Variants in BABAM2 observed in about 807,000 individuals in gnomAD.
The protein encoded by BABAM2 is BRISC and BRCA1 A complex member 2.
BABAM2 carries 31 observed loss-of-function variants against 54.7 expected under a neutral mutation model. The observed-to-expected ratio is 0.57, with a 90% CI of 0.43 to 0.77. The LOEUF (loss-of-function observed/expected upper bound fraction) is 0.77, where lower values mean the gene tolerates loss of function less well. Among genes scored for constraint, BABAM2 ranks in the 30% least tolerant of loss-of-function variants. The pLI, the probability that BABAM2 is intolerant of heterozygous loss-of-function variation, is 0.00. For synonymous variants in BABAM2, 167 were observed against 162.9 expected, an observed-to-expected ratio of 1.03 and a Z score of -0.19; for missense variants, 364 against 455.8, an observed-to-expected ratio of 0.80 and a Z score of 1.83.
At chr2:28,102,954 A>ACT (rs986409094) in intron 6 of BABAM2, among the ~76,000 whole-genome samples, 64 of 152,238 alleles carry the variant, frequency 4.2e-4, no homozygotes, top group African/African-American at 1.5e-3. Context: ...TAATGATTTT[A>ACT]CAAACTGAAT....
intron 7 of BABAM2, among the ~76,000 whole-genome samples, chr2:28,145,513 C>T (rs961045465): frequency 1.3e-5 from 2 of 152,142 alleles, no homozygotes; most frequent in African/African-American, 4.8e-5. Flanking sequence ...TTCTGTCATT[C>T]TTTCCCTTTC....
chr2:27,996,827 A>G (rs1673184238), intron 4 of BABAM2, among the ~76,000 whole-genome samples: 1 of 152,068 alleles, frequency 6.6e-6, no homozygotes, highest in African/African-American at 2.4e-5. Flanking sequence ...CTTGATTCTC[A>G]GCCTCCCAGT....
Position 28,047,563 on chromosome 2 carries a change from T to A in BABAM2, c.570+1764T>A, listed in dbSNP as rs182783936. 1.0e-3 allele frequency among the ~76,000 whole-genome samples: 158 copies of A among 152,222 alleles called. 1 individual carries two copies. The highest frequency in any genetic ancestry group is 1.6e-3 in the Non-Finnish European group (108 of 67,982). On this transcript the variant is annotated intron_variant, in intron 6 of 11. Transcript: ENST00000379624. ...AAGGAAAAAAATGTTTGTTGGCTCA[T>A]AATCTCATATTTATCTCTTCAGCAT... is the stretch of plus-strand genomic sequence containing the variant.
chr2:28,056,033 TA>T (rs1373946995), intron 6 of BABAM2, among the ~76,000 whole-genome samples: 2 of 151,982 alleles, frequency 1.3e-5, no homozygotes, highest in African/African-American at 4.8e-5. Context: ...TGTAGAATCT[TA>T]AAAAAAATTT....
At chr2:28,061,453 C>T (rs1317621174) in intron 6 of BABAM2, among the ~76,000 whole-genome samples, 6 of 151,260 alleles carry the variant, frequency 4.0e-5, no homozygotes, top group East Asian at 1.9e-4. Context: ...GGCGTGGTGG[C>T]GGGCGCCTGT....
At chr2:27,999,401 T>C (rs1673408221) in intron 4 of BABAM2, among the ~76,000 whole-genome samples, 1 of 152,142 alleles carries the variant, frequency 6.6e-6, no homozygotes, top group African/African-American at 2.4e-5. Context: ...AGAAGCATCA[T>C]ATACCAAGGA....
chr2:27,929,271 CA>C (rs1432627232), intron 2 of BABAM2, among the ~76,000 whole-genome samples: 1 of 152,054 alleles, frequency 6.6e-6, no homozygotes, highest in Non-Finnish European at 1.5e-5. Flanking sequence ...AACTACCCCC[CA>C]CCTTTTAAAT....
intron 5 of BABAM2, among the ~76,000 whole-genome samples, chr2:28,028,444 A>G (rs1161602984): frequency 6.6e-6 from 1 of 151,058 alleles, no homozygotes; most frequent in Admixed American, 6.6e-5. Flanking sequence ...TAGGAATGTG[A>G]ATACCAGAGA....
At chr2:27,931,760 G>C (rs952803708) in intron 3 of BABAM2, among the ~76,000 whole-genome samples, 2 of 152,100 alleles carry the variant, frequency 1.3e-5, no homozygotes, top group Non-Finnish European at 2.9e-5. Context: ...TGAATACTTA[G>C]GGTAGTATAT....
intron 3 of BABAM2, among the ~76,000 whole-genome samples, chr2:27,965,074 A>G (rs989284931): frequency 3.3e-5 from 5 of 152,208 alleles, no homozygotes; most frequent in African/African-American, 9.7e-5. Flanking sequence ...ACTGAGCTGA[A>G]TAAGATATGG....
rs566143938 is a variant in BABAM2 at position 28,297,615 on chromosome 2, G to A, written c.935-723G>A. Among the ~76,000 whole-genome samples the A allele has an allele frequency of 5.3e-5, 8 of 152,292 alleles. No homozygotes were observed. In the South Asian group the frequency reaches 1.7e-3, roughly 32 times the overall value. On this transcript the variant is annotated intron_variant, in intron 10 of 11. Transcript: ENST00000379624. ...ATTGGAATTAGCCTGTACTATCACA[G>A]CAAACATATTTAGTGCTCAGAGTAG...
intron 2 of BABAM2, among the ~76,000 whole-genome samples, chr2:27,912,630 G>T (rs970458468): frequency 2.0e-5 from 3 of 152,122 alleles, no homozygotes; most frequent in African/African-American, 4.8e-5. Flanking sequence ...TCTTTAGAAG[G>T]CCTGGGATTT....
chr2:28,302,690 T>C (rs542675616), intron 11 of BABAM2, among the ~76,000 whole-genome samples: 1 of 152,318 alleles, frequency 6.6e-6, no homozygotes. Context: ...CGGTTTACCC[T>C]CCCATCAGCA....
At chr2:27,999,574 A>T (rs1007872459) in intron 4 of BABAM2, among the ~76,000 whole-genome samples, 1 of 152,350 alleles carries the variant, frequency 6.6e-6, no homozygotes, top group Non-Finnish European at 1.5e-5. Flanking sequence ...ATTTTAAAAA[A>T]CTTCCACAGC....
chr2:28,231,169 G>A (rs972208708), intron 7 of BABAM2, among the ~76,000 whole-genome samples: 1 of 152,182 alleles, frequency 6.6e-6, no homozygotes, highest in Non-Finnish European at 1.5e-5. Flanking sequence ...CGGCAGGGTT[G>A]TTGTGAGGTT....
rs1328871557 is a variant in BABAM2, at chr2:28,026,876, A to T, written c.495+1456A>T. On this transcript the variant is annotated intron_variant, in intron 5 of 11. Transcript: ENST00000379624. ...TTTATATATATAGATATATATATTT[A>T]TATATATATAGATATATATAAATAT... is the stretch of plus-strand genomic sequence containing the variant. Among the ~76,000 whole-genome samples the T allele has an allele frequency of 9.1e-4, 51 of 56,146 alleles. 2 individuals are homozygous for T. The highest frequency in any genetic ancestry group is 1.4e-3 in the Non-Finnish European group (45 of 31,996). 36.8% of individuals were successfully genotyped at this position (56,146 alleles called of 152,430 possible).
At chr2:28,086,444 T>G (rs550645844) in intron 6 of BABAM2, among the ~76,000 whole-genome samples, 1 of 152,310 alleles carries the variant, frequency 6.6e-6, no homozygotes, top group African/African-American at 2.4e-5. Context: ...GCATTTACAG[T>G]TTTACTTTAC....
At chr2:27,984,225 A>G (rs1017383625) in intron 3 of BABAM2, among the ~76,000 whole-genome samples, 4 of 152,068 alleles carry the variant, frequency 2.6e-5, no homozygotes, top group African/African-American at 9.7e-5. Flanking sequence ...AAACTTTGAT[A>G]TCTTTGCTCT....
intron 2 of BABAM2, among the ~76,000 whole-genome samples, chr2:27,900,566 A>G (rs1206185508): frequency 6.6e-6 from 1 of 152,142 alleles, no homozygotes; most frequent in Non-Finnish European, 1.5e-5. Context: ...TAATGTAGTA[A>G]GTAGGATTTG....
Sources: allele counts gnomAD v4.1 joint callset (sites outside exome capture counted in the v4.1 genomes callset), GRCh38; gene constraint gnomAD v4.1.1; transcripts MANE v1.5; gene names NCBI Gene and HGNC (gene_info 2026-07-23, HGNC 2026-07-21).